The following ATP9A variants were observed in gnomAD, a reference collection of about 807,000 sequenced individuals.
ATP9A encodes the protein probable phospholipid-transporting ATPase IIA.
A neutral mutation model predicts 144.1 loss-of-function variants in ATP9A; 52 were observed. The ratio of observed to expected loss-of-function variants is 0.36; its 90% CI spans 0.29 to 0.45. The LOEUF is 0.45. Among genes scored for constraint, ATP9A ranks in the 20% least tolerant of loss-of-function variants. The pLI, the probability that ATP9A is intolerant of heterozygous loss-of-function variation, is 1.00. For missense variants in ATP9A, 947 were observed against 1,392.7 expected (o/e 0.68, Z 5.09); for synonymous variants, 582 against 557.4 (o/e 1.04, Z -0.62).
intron 4 of ATP9A, among the ~76,000 whole-genome samples, chr20:51,712,070 T>C (rs1028612338): frequency 7.0e-6 from 1 of 142,470 alleles, no homozygotes; most frequent in Non-Finnish European, 1.5e-5. Flanking sequence ...TTGGCCAGGC[T>C]GGTCTTTTTT....
chr20:51,640,150 T>C (rs943256109), intron 14 of ATP9A, among the ~76,000 whole-genome samples: 1 of 151,926 alleles, frequency 6.6e-6, no homozygotes, highest in African/African-American at 2.4e-5. Context: ...GGATCACTCC[T>C]GGAAGTATCT....
rs553103046 is a variant in ATP9A, at chr20:51,702,134, C to T, written c.437-4652G>A. Among the ~76,000 whole-genome samples, 37 of 151,680 alleles carry T rather than the reference C, an allele frequency of 2.4e-4. 1 individual carries two copies. In the South Asian group the frequency reaches 7.5e-3, roughly 31 times the overall value. On this transcript the variant is annotated intron_variant, in intron 4 of 27. Coordinates refer to ENST00000338821, the MANE Select transcript of ATP9A (RefSeq NM_006045.3). The stretch of plus-strand genomic sequence containing the variant: ...CCAACATAGTGAAACCCTGTCTCCA[C>T]TAAAAATATATAAAATTAGCCGGGC...
chr20:51,730,182 G>C (rs1320686960), intron 1 of ATP9A, among the ~76,000 whole-genome samples: 1 of 152,104 alleles, frequency 6.6e-6, no homozygotes, highest in Non-Finnish European at 1.5e-5. Flanking sequence ...AAGATGCTTT[G>C]TCCTGGCCAG....
chr20:51,643,625 C>T (rs2077329606), intron 14 of ATP9A, among the ~76,000 whole-genome samples: 1 of 152,074 alleles, frequency 6.6e-6, no homozygotes, highest in South Asian at 2.1e-4. Flanking sequence ...ACCAAATCTG[C>T]CAGTATGCTG....
Position 51,624,216 on chromosome 20 carries a change from T to C in ATP9A, c.2016+976A>G, listed in dbSNP as rs140964628. Among the ~76,000 whole-genome samples the C allele has an allele frequency of 9.7e-4, 148 of 152,092 alleles. 2 individuals carry two copies. The highest frequency in any genetic ancestry group is 2.3e-3 in the Admixed American group (35 of 15,264). ...TTACAAGGAAACAGGCACGCAGGGG[T>C]GGGAGTCCCCAGTGGGCCTGAATGT... On this transcript the variant is annotated intron_variant, in intron 18 of 27. Coordinates refer to ENST00000338821, the MANE Select transcript of ATP9A (RefSeq NM_006045.3).
chr20:51,601,107 G>C lies in ATP9A; in HGVS notation c.*104C>G. On this transcript the variant is annotated 3_prime_UTR_variant, in exon 28 of 28. Transcript: ENST00000338821. ...CTTCCCATTAAAACTGCATGTGTTA[G>C]CAATTACTGCAAAATCCACAGGTGG... is the stretch of plus-strand genomic sequence containing the variant. 1 of 1,375,688 alleles carries C rather than the reference G, an allele frequency of 7.3e-7. No individual in the cohort carries two copies. Among genetic ancestry groups the C allele is most frequent in the Non-Finnish European group, 9.8e-7 (1 of 1,022,248 alleles). 85.2% of individuals were successfully genotyped at this position (1,375,688 alleles called of 1,614,324 possible).
intron 9 of ATP9A, among the ~76,000 whole-genome samples, chr20:51,682,065 T>C (rs2122803195): frequency 6.6e-6 from 1 of 152,134 alleles, no homozygotes; most frequent in South Asian, 2.1e-4. Flanking sequence ...GTCACACAAA[T>C]GTGTTACCTG....
At chr20:51,708,158 G>C (rs16996199) in intron 4 of ATP9A, among the ~76,000 whole-genome samples, 13 of 151,930 alleles carry the variant, frequency 8.6e-5, no homozygotes, top group African/African-American at 3.1e-4. Flanking sequence ...GATGTTGTTC[G>C]AGATACACCT....
In ATP9A at chr20:51,695,905, ACAATCTATTGACTTTT is replaced by A. The variant is rs370504778; in HGVS notation, c.547+172_547+187del. ...CCACAAACTGTATTTTTTAATGATC[ACAATCTATTGACTTTT>A]AAAACACCAACAACACTGTTTAAAA... On this transcript the variant is annotated intron_variant, in intron 6 of 27. Transcript: ENST00000338821. Among the ~76,000 whole-genome samples, 720 of 152,338 alleles carry A rather than the reference ACAATCTATTGACTTTT, an allele frequency of 4.7e-3. 8 individuals are homozygous for A. The highest frequency in any genetic ancestry group is 0.016 in the African/African-American group (680 of 41,576).
At chr20:51,614,728 T>C (rs912342055) in intron 22 of ATP9A, among the ~76,000 whole-genome samples, 3 of 152,222 alleles carry the variant, frequency 2.0e-5, no homozygotes, top group South Asian at 2.1e-4. Context: ...CAAACCAGAA[T>C]TGGAACCGAA....
chr20:51,718,780 A>G (rs1023611514), intron 3 of ATP9A, among the ~76,000 whole-genome samples: 7 of 134,038 alleles, frequency 5.2e-5, no homozygotes, highest in Admixed American at 4.2e-4. Context: ...GCACCACTGC[A>G]TTCCAGCCTG....
chr20:51,648,357 G>T (rs558889244), intron 14 of ATP9A, among the ~76,000 whole-genome samples: 1 of 152,302 alleles, frequency 6.6e-6, no homozygotes, highest in South Asian at 2.1e-4. Context: ...CGAGGCAAAA[G>T]GAGACAAACG....
chr20:51,625,809 C>A (rs560772083), intron 17 of ATP9A, among the ~76,000 whole-genome samples: 1 of 152,276 alleles, frequency 6.6e-6, no homozygotes, highest in Non-Finnish European at 1.5e-5. Flanking sequence ...TCAACCCAAA[C>A]TGCCGCTTCT....
chr20:51,625,198 G>A lies in ATP9A; in HGVS notation c.2010C>T (p.Gly670=). 6.2e-7 allele frequency: 1 copy of A among 1,611,682 alleles called. No individual in the cohort carries two copies. The highest frequency in any genetic ancestry group is 1.1e-5 in the South Asian group (1 of 91,002). Residue 670 remains glycine (G), a synonymous_variant, in exon 18 of 28, where the codon GGC becomes GGT. Transcript: ENST00000338821. ...TGCGGGCAGCCCGCCCTACCTTGAT[G>A]CCAGCATTCCTCAGGGTCTCCAGCG... ...RPTLETLRNA[G]IKVWMLTGDK... is the part of the protein sequence containing the mutation.
intron 7 of ATP9A, 46 bp from the exon 8 acceptor site, chr20:51,690,865 G>GC: frequency 6.7e-7 from 1 of 1,491,514 alleles, no homozygotes; most frequent in Non-Finnish European, 9.4e-7. Context: ...AGTTCACAAT[G>GC]CAAGACTTCA....
At chr20:51,736,554 A>C (rs1276225769) in intron 1 of ATP9A, among the ~76,000 whole-genome samples, 10 of 140,520 alleles carry the variant, frequency 7.1e-5, no homozygotes, top group African/African-American at 2.4e-4. Context: ...AGGTCTCGCT[A>C]TATTGCCCAG....
chr20:51,619,800 T>C (rs1458070687), intron 19 of ATP9A, among the ~76,000 whole-genome samples: 1 of 126,102 alleles, frequency 7.9e-6, no homozygotes, highest in Non-Finnish European at 1.6e-5. Context: ...ACCTGGGAGG[T>C]GGAGGTTGCG....
Position 51,758,607 on chromosome 20 carries a change from G to A in ATP9A, c.68+9695C>T, listed in dbSNP as rs1338062240. ...GACTGGACTACAGGGACCTCCTCTC[G>A]CCAGCCAGCTGTACAGTAGGTAGAA... is the stretch of plus-strand genomic sequence containing the variant. On this transcript the variant is annotated intron_variant, in intron 1 of 27. Transcript: ENST00000338821. Among the ~76,000 whole-genome samples the A allele has an allele frequency of 2.0e-5, 3 of 152,138 alleles. No homozygotes were observed. In the East Asian group the frequency reaches 5.8e-4, roughly 29 times the overall value.
At chr20:51,738,326 T>C (rs925235161) in intron 1 of ATP9A, among the ~76,000 whole-genome samples, 2 of 152,084 alleles carry the variant, frequency 1.3e-5, no homozygotes, top group African/African-American at 4.8e-5. Flanking sequence ...CCATGGTGCC[T>C]GGCCTAAAAA....
Sources: gnomAD v4.1 joint callset for allele counts (sites outside exome capture counted in the v4.1 genomes callset) on GRCh38, gnomAD v4.1.1 for gene constraint, MANE v1.5 for transcripts, NCBI Gene and HGNC (gene_info 2026-07-23, HGNC 2026-07-21) for gene names.